Variants in ANKFY1 observed in about 807,000 individuals in gnomAD.
ANKFY1 encodes ankyrin repeat and FYVE domain containing 1, also known as ankyrin repeat and FYVE domain-containing protein 1.
A neutral mutation model predicts 128.3 loss-of-function variants in ANKFY1; 47 were observed. That is an observed-to-expected ratio of 0.37 (90% CI 0.29 to 0.47). The LOEUF (loss-of-function observed/expected upper bound fraction) is 0.47, where lower values mean the gene tolerates loss of function less well. ANKFY1 is among the 20% of genes least tolerant of loss of function. The pLI, the probability that ANKFY1 is intolerant of heterozygous loss-of-function variation, is 1.00. For missense variants in ANKFY1, 1,222 were observed against 1,510.6 expected, an observed-to-expected ratio of 0.81 and a Z score of 3.17; for synonymous variants, 553 against 601.6, an observed-to-expected ratio of 0.92 and a Z score of 1.18.
chr17:4,250,930 C>T (rs142850986), intron 1 of ANKFY1, among the ~76,000 whole-genome samples: 10 of 152,140 alleles, frequency 6.6e-5, no homozygotes, highest in African/African-American at 2.4e-4. Context: ...TAACCACAGA[C>T]AGCTGATTCT....
intron 3 of ANKFY1, among the ~76,000 whole-genome samples, chr17:4,231,886 G>A (rs566753447): frequency 2.6e-5 from 4 of 151,320 alleles, no homozygotes; most frequent in African/African-American, 4.9e-5. Flanking sequence ...GCAGTGAGCC[G>A]TGATTGCACC....
intron 3 of ANKFY1, among the ~76,000 whole-genome samples, chr17:4,221,308 C>T (rs952438086): frequency 1.3e-5 from 2 of 152,088 alleles, no homozygotes; most frequent in African/African-American, 4.8e-5. Flanking sequence ...ACCTCCCAGG[C>T]TCAATCAATT....
intron 3 of ANKFY1, among the ~76,000 whole-genome samples, chr17:4,231,935 T>TAAAA (rs773041555): frequency 6.6e-4 from 83 of 125,284 alleles, no homozygotes; most frequent in African/African-American, 2.4e-3. Flanking sequence ...AAATCCTGTT[T>TAAAA]AAAAAAAAAA....
At position 4,260,618 on chromosome 17, in the gene ANKFY1, CAAAAAAAA is replaced by C. The variant is rs60030304; in HGVS notation, c.10+3306_10+3313del. 6.1e-5 allele frequency among the ~76,000 whole-genome samples: 4 copies of C among 65,072 alleles called. No homozygotes were observed. In the East Asian group the frequency reaches 1.3e-3, roughly 21 times the overall value. The allele number at this position is 65,072 out of a possible 152,430, so 42.7% of individuals were successfully genotyped here. A position where few individuals can be genotyped will look rare whatever the true frequency, so the allele number is the denominator to read the frequency against. ...GGGTGACGGAGTGAGATCCTGTCTC[CAAAAAAAA>C]AAAAAAAAAAAAAAAACCCACAAAT... On this transcript the variant is annotated intron_variant, in intron 1 of 24. Transcript: ENST00000341657.
chr17:4,172,538 C>T lies in ANKFY1; in HGVS notation c.3139+18G>A, dbSNP rs774537193. ...GGTGCGCAAGTGAGACGGGACATAC[C>T]CAGCCCTTGGTACACACCCGTGCTG... On this transcript the variant is annotated intron_variant, in intron 22 of 24. Coordinates refer to ENST00000341657, the MANE Select transcript of ANKFY1 (RefSeq NM_001330063.2). 2 of 1,609,958 alleles carry T rather than the reference C, an allele frequency of 1.2e-6. No homozygotes were observed. The highest frequency in any genetic ancestry group is 4.5e-5 in the East Asian group (2 of 44,826).
chr17:4,240,683 C>T (rs1007797250), intron 2 of ANKFY1, among the ~76,000 whole-genome samples: 2 of 152,212 alleles, frequency 1.3e-5, no homozygotes, highest in East Asian at 1.9e-4. Context: ...TGCGCCACTG[C>T]GCCCAGGCAC....
chr17:4,258,669 TA>T (rs1196889758), intron 1 of ANKFY1, among the ~76,000 whole-genome samples: 3 of 152,276 alleles, frequency 2.0e-5, no homozygotes, highest in Non-Finnish European at 1.5e-5. Context: ...TGCTGTCCAT[TA>T]GGGGGAGCTA....
At chr17:4,231,480 C>T (rs1476303210) in intron 3 of ANKFY1, among the ~76,000 whole-genome samples, 1 of 151,664 alleles carries the variant, frequency 6.6e-6, no homozygotes, top group Admixed American at 6.6e-5. Context: ...CACAGTGAGA[C>T]CCTATCTCAA....
intron 10 of ANKFY1, 31 bp from the exon 11 acceptor site, chr17:4,189,510 T>C: frequency 6.5e-7 from 1 of 1,533,212 alleles, no homozygotes; most frequent in Non-Finnish European, 8.9e-7. Context: ...CTGATTCTTC[T>C]GTTTGCATCA....
At chr17:4,186,473 C>G (rs2059613703) in intron 11 of ANKFY1, 1 of 152,272 alleles carries the variant, frequency 6.6e-6, no homozygotes, top group African/African-American at 2.4e-5. Context: ...ACTCTTCCAG[C>G]TGGGTTTTGT....
rs142727883 is a variant in ANKFY1 at position 4,263,888 on chromosome 17, C to G, written c.10+44G>C. 6 of 1,613,476 alleles carry G rather than the reference C, an allele frequency of 3.7e-6. No individual in the cohort carries two copies. The East Asian group carries it at 1.3e-4, about 36-fold the overall frequency. ...AGCTTCGCACGGCCAGCAGCGCCCC[C>G]ACAGCTCCGTGTCTTCCCGCGCGGC... On this transcript the variant is annotated intron_variant, in intron 1 of 24. Transcript: ENST00000341657.
chr17:4,165,379 G>T lies in ANKFY1; in HGVS notation c.*2400C>A, dbSNP rs1370329219. 6.6e-6 allele frequency: 1 copy of T among 152,190 alleles called. No homozygotes were observed. Among genetic ancestry groups the T allele is most frequent in the Admixed American group, 6.5e-5 (1 of 15,280 alleles). The allele number at this position is 152,190 out of a possible 1,614,324, so 9.4% of individuals were successfully genotyped here. A position where few individuals can be genotyped will look rare whatever the true frequency, so the allele number is the denominator to read the frequency against. ...TTAAGTTTTTGCTACTAGTACTTAA[G>T]CTACTGATGAAAACTTACAACAGCT... On this transcript the variant is annotated 3_prime_UTR_variant, in exon 25 of 25. Coordinates refer to ENST00000341657, the MANE Select transcript of ANKFY1 (RefSeq NM_001330063.2).
At chr17:4,186,037 C>T (rs1307876773) in intron 11 of ANKFY1, among the ~76,000 whole-genome samples, 4 of 152,148 alleles carry the variant, frequency 2.6e-5, no homozygotes, top group African/African-American at 4.8e-5. Context: ...ACATTTAAAA[C>T]GAAGTTTCCT....
At chr17:4,254,032 G>A (rs551909344) in intron 1 of ANKFY1, among the ~76,000 whole-genome samples, 4 of 152,210 alleles carry the variant, frequency 2.6e-5, no homozygotes, top group South Asian at 2.1e-4. Context: ...GGGGCTGGCC[G>A]CGGTGGCTCA....
At chr17:4,216,256 CA>C (rs1388445834) in intron 4 of ANKFY1, among the ~76,000 whole-genome samples, 3 of 152,264 alleles carry the variant, frequency 2.0e-5, no homozygotes, top group Middle Eastern at 3.4e-3. Flanking sequence ...TTCACTCACC[CA>C]GGAGAAAAGC....
chr17:4,208,965 A>G (rs1041049994), intron 5 of ANKFY1, among the ~76,000 whole-genome samples: 15 of 152,140 alleles, frequency 9.9e-5, no homozygotes, highest in African/African-American at 3.6e-4. Flanking sequence ...AGGCCAAGGC[A>G]GGAGAATCGC....
chr17:4,234,149 C>CTA (rs1365923482), intron 3 of ANKFY1, among the ~76,000 whole-genome samples: 1 of 152,158 alleles, frequency 6.6e-6, no homozygotes, highest in Admixed American at 6.6e-5. Context: ...AAGCAACATA[C>CTA]TATACCATAT....
At chr17:4,188,730 G>A (rs1434630570) in intron 11 of ANKFY1, 1 of 152,186 alleles carries the variant, frequency 6.6e-6, no homozygotes, top group East Asian at 1.9e-4. Context: ...GCTGGGCGTG[G>A]TGGTGCATCC....
At chr17:4,244,061 G>T (rs1292630569) in intron 1 of ANKFY1, among the ~76,000 whole-genome samples, 2 of 151,804 alleles carry the variant, frequency 1.3e-5, no homozygotes, top group Non-Finnish European at 2.9e-5. Flanking sequence ...CTCCCAAGCA[G>T]CTGGGATGAC....
Sources: allele counts gnomAD v4.1 joint callset (sites outside exome capture counted in the v4.1 genomes callset), GRCh38; gene constraint gnomAD v4.1.1; transcripts MANE v1.5; gene names NCBI Gene and HGNC (gene_info 2026-07-23, HGNC 2026-07-21).